Variants in SLC16A2 observed in about 807,000 individuals in gnomAD.
The protein encoded by SLC16A2 is monocarboxylate transporter 8.
A neutral mutation model predicts 27.2 loss-of-function variants in SLC16A2; 3 were observed. That is an observed-to-expected ratio of 0.11 (90% CI 0.05 to 0.28). The LOEUF is 0.28. Among genes scored for constraint, SLC16A2 ranks in the 10% least tolerant of loss-of-function variants. The pLI is 1.00. For missense variants in SLC16A2, 295 were observed against 458.5 expected, an observed-to-expected ratio of 0.64 and a Z score of 3.26; for synonymous variants, 202 against 187.8, an observed-to-expected ratio of 1.08 and a Z score of -0.62.
intron 1 of SLC16A2, among the ~76,000 whole-genome samples, chrX:74,442,315 G>A (rs774127874): frequency 1.3e-4 from 14 of 110,245 alleles, no homozygotes; most frequent in Admixed American, 3.9e-4. Flanking sequence ...AGCGTTGGCC[G>A]AGGAATTGGT....
chrX:74,453,568 A>C (rs1420908642), intron 1 of SLC16A2, among the ~76,000 whole-genome samples: 1 of 110,749 alleles, frequency 9.0e-6, no homozygotes, highest in Admixed American at 9.6e-5. Context: ...AAAAACTGTT[A>C]TTTTTTATTT....
intron 1 of SLC16A2, among the ~76,000 whole-genome samples, chrX:74,474,156 T>G (rs1479057728): frequency 8.9e-6 from 1 of 112,193 alleles, no homozygotes; most frequent in Non-Finnish European, 1.9e-5. Flanking sequence ...TAGGTAAATT[T>G]ACAGAGATTG....
intron 2 of SLC16A2, among the ~76,000 whole-genome samples, chrX:74,523,212 C>T (rs1393925165): frequency 8.9e-6 from 1 of 112,165 alleles, no homozygotes; most frequent in Non-Finnish European, 1.9e-5. Context: ...CAAGCAGAGA[C>T]AACCCTTTCA....
chrX:74,520,070 C>G (rs1930382785), intron 1 of SLC16A2, among the ~76,000 whole-genome samples: 1 of 112,120 alleles, frequency 8.9e-6, no homozygotes, highest in African/African-American at 3.2e-5. Context: ...CCAGACTGAG[C>G]TCCTTTGGCC....
At chrX:74,473,395 T>C in intron 1 of SLC16A2, 1 of 541,073 alleles carries the variant, frequency 1.8e-6, no homozygotes, top group South Asian at 2.4e-5. Flanking sequence ...TGGCCAACTC[T>C]TGCTTTGACA....
At chrX:74,464,826 G>A (rs1929220143) in intron 1 of SLC16A2, among the ~76,000 whole-genome samples, 1 of 111,142 alleles carries the variant, frequency 9.0e-6, no homozygotes, top group Admixed American at 9.6e-5. Context: ...TGAGACCAGT[G>A]TGGGCAACAT....
At chrX:74,442,967 C>T (rs1443059444) in intron 1 of SLC16A2, among the ~76,000 whole-genome samples, 1 of 111,725 alleles carries the variant, frequency 9.0e-6, no homozygotes, top group Non-Finnish European at 1.9e-5. Context: ...AAAAAAATGA[C>T]ACTCCAAGAG....
Position 74,463,777 on chromosome X carries a change from T to C in SLC16A2, c.430+41710T>C, listed in dbSNP as rs962292393. Among the ~76,000 whole-genome samples, 19 of 111,209 alleles carry C rather than the reference T, an allele frequency of 1.7e-4. 1 individual carries two copies. The highest frequency in any genetic ancestry group is 3.0e-4 in the Non-Finnish European group (16 of 52,797). On this transcript the variant is annotated intron_variant, in intron 1 of 5. Transcript: ENST00000587091. ...CTCCTGACCTCGTGATCCACCCGCC[T>C]CTGTGTCCCAGAGTGCTGGGATTAC...
chrX:74,436,366 A>AG (rs1928632793), intron 1 of SLC16A2, among the ~76,000 whole-genome samples: 1 of 111,967 alleles, frequency 8.9e-6, no homozygotes, highest in Non-Finnish European at 1.9e-5. Context: ...ACTTTTAAAA[A>AG]GGGGTTTGTG....
At position 74,421,657 on chromosome X, in the gene SLC16A2, C is replaced by T. The variant is rs1206189090; in HGVS notation, c.20C>T (p.Ala7Val). The T allele has an allele frequency of 1.7e-6, 2 of 1,202,527 alleles. No homozygotes were observed. The highest frequency in any genetic ancestry group is 1.8e-5 in the South Asian group (1 of 55,954). The change falls in exon 1 of 6, where the codon GCG becomes GTG. Residue 7 changes from alanine to valine, a missense_variant. Physicochemically the swap from Ala to Val is moderately conservative, Grantham distance 64. Coordinates refer to ENST00000587091, the MANE Select transcript of SLC16A2 (RefSeq NM_006517.5). ...GCCGCGATGGCGCTGCAAAGCCAGG[C>T]GAGCGAGGAAGCAAAGGGGCCCTGG... The part of the protein sequence containing the change: MALQSQ[A>V]SEEAKGPWQE...
intron 1 of SLC16A2, among the ~76,000 whole-genome samples, chrX:74,478,944 A>G (rs926198401): frequency 3.6e-5 from 4 of 110,948 alleles, no homozygotes; most frequent in Non-Finnish European, 7.6e-5. Flanking sequence ...ACTTTGGTGA[A>G]TCTGACAATT....
chrX:74,461,577 C>A (rs1929145324), intron 1 of SLC16A2, among the ~76,000 whole-genome samples: 1 of 111,074 alleles, frequency 9.0e-6, no homozygotes, highest in Admixed American at 9.6e-5. Context: ...CTTGGCGGTT[C>A]CCTCACACGC....
At chrX:74,470,598 A>G (rs1473689010) in intron 1 of SLC16A2, among the ~76,000 whole-genome samples, 4 of 111,943 alleles carry the variant, frequency 3.6e-5, no homozygotes, top group African/African-American at 9.8e-5. Flanking sequence ...TCATATGCAC[A>G]TTCACCATAC....
chrX:74,448,056 G>C (rs1406268428), intron 1 of SLC16A2, among the ~76,000 whole-genome samples: 1 of 111,389 alleles, frequency 9.0e-6, no homozygotes, highest in Non-Finnish European at 1.9e-5. Context: ...AAAGTACTTG[G>C]TCCAAACCTG....
chrX:74,433,988 C>T (rs1928577371), intron 1 of SLC16A2, among the ~76,000 whole-genome samples: 1 of 112,303 alleles, frequency 8.9e-6, no homozygotes. Context: ...ATCTAGCATA[C>T]AGCCTGGCAC....
intron 1 of SLC16A2, among the ~76,000 whole-genome samples, chrX:74,497,906 T>A (rs1437820056): frequency 9.0e-6 from 1 of 110,510 alleles, no homozygotes; most frequent in East Asian, 2.9e-4. Flanking sequence ...GTGGATTCTA[T>A]ATTTAATGTG....
chrX:74,524,750 A>G lies in SLC16A2; in HGVS notation c.967A>G (p.Ile323Val). ...AGTGTTCCGCCAACGCACTTACCGCATCTGGGCCTTCGGAATTGCTGCTGC... is the reference window on the plus strand; with the variant it reads ...AGTGTTCCGCCAACGCACTTACCGCGTCTGGGCCTTCGGAATTGCTGCTGC... Reference protein sequence around the residue: ...MRVFRQRTYRIWAFGIAAAAL... With the variant: ...MRVFRQRTYRVWAFGIAAAAL... The change falls in exon 3 of 6, where the codon ATC becomes GTC. Residue 323 changes from isoleucine to valine, a missense_variant. This residue lies in a region of SLC16A2 where 144 missense variants were observed against 219.8 expected (regional missense o/e 0.66). Transcript: ENST00000587091. The G allele has an allele frequency of 5.8e-6, 7 of 1,211,502 alleles. No homozygotes were observed. The highest frequency in any genetic ancestry group is 7.8e-6 in the Non-Finnish European group (7 of 895,532).
At chrX:74,466,227 G>A (rs956468886) in intron 1 of SLC16A2, among the ~76,000 whole-genome samples, 1 of 110,870 alleles carries the variant, frequency 9.0e-6, no homozygotes, top group Admixed American at 9.6e-5. Flanking sequence ...TTCTAAACCT[G>A]GCTTCTAAAA....
In SLC16A2 at chrX:74,429,296, C is replaced by T. The variant is rs188545410; in HGVS notation, c.430+7229C>T. On this transcript the variant is annotated intron_variant, in intron 1 of 5. Transcript: ENST00000587091. ...CAGCCTGGGCAACATAGGGATACCC[C>T]GTCTCTACAAAAAAAATTTTTAAAA... Among the ~76,000 whole-genome samples, 16 of 111,048 alleles carry T rather than the reference C, an allele frequency of 1.4e-4. No homozygotes were observed. In the East Asian group the frequency reaches 4.2e-3, roughly 29 times the overall value.
Sources: gnomAD v4.1 joint callset for allele counts (sites outside exome capture counted in the v4.1 genomes callset) on GRCh38, gnomAD v4.1.1 for gene constraint, gnomAD v4.1.1 regional missense constraint, MANE v1.5 for transcripts, NCBI Gene and HGNC (gene_info 2026-07-23, HGNC 2026-07-21) for gene names.